Variants in CPNE8 observed in about 807,000 individuals in gnomAD.
The protein encoded by CPNE8 is copine-8.
CPNE8 carries 45 observed loss-of-function variants against 81.5 expected under a neutral mutation model. That is an observed-to-expected ratio of 0.55 (90% CI 0.44 to 0.71). CPNE8 has a LOEUF of 0.71. Among genes scored for constraint, CPNE8 ranks in the 30% least tolerant of loss-of-function variants. The probability of loss-of-function intolerance (pLI) is 0.00; values close to 1 mark genes in which losing one functional copy is unlikely to be tolerated. For missense variants in CPNE8, 594 were observed against 672.1 expected (o/e 0.88, Z 1.28); for synonymous variants, 252 against 226.3 (o/e 1.11, Z -1.02).
At chr12:38,888,342 T>A (rs573897775) in intron 1 of CPNE8, among the ~76,000 whole-genome samples, 2 of 152,318 alleles carry the variant, frequency 1.3e-5, no homozygotes, top group African/African-American at 4.8e-5. Flanking sequence ...CTCTTTAAGA[T>A]GCATGAAATA....
chr12:38,792,632 T>C (rs1030178503), intron 6 of CPNE8, among the ~76,000 whole-genome samples: 2 of 151,880 alleles, frequency 1.3e-5, no homozygotes, highest in Admixed American at 6.6e-5. Context: ...ATGGTTCAAC[T>C]ACAGAATCTG....
At chr12:38,825,529 A>T (rs1943174565) in intron 6 of CPNE8, among the ~76,000 whole-genome samples, 1 of 152,208 alleles carries the variant, frequency 6.6e-6, no homozygotes, top group Non-Finnish European at 1.5e-5. Context: ...GCTCTTCCTC[A>T]ACCCAATTGT....
intron 6 of CPNE8, among the ~76,000 whole-genome samples, chr12:38,828,688 A>T (rs1943238207): frequency 6.6e-6 from 1 of 152,192 alleles, no homozygotes; most frequent in Non-Finnish European, 1.5e-5. Context: ...AACTCTGCAA[A>T]TGTACTATTC....
chr12:38,693,834 G>A lies in CPNE8; in HGVS notation c.966C>T (p.Asn322=), dbSNP rs1177263906. The A allele has an allele frequency of 2.5e-6, 4 of 1,597,400 alleles. No individual in the cohort carries two copies. The highest frequency in any genetic ancestry group is 3.4e-6 in the Non-Finnish European group (4 of 1,172,946). Residue 322 remains asparagine, a synonymous_variant, in exon 15 of 20, where the codon AAC becomes AAT. Transcript: ENST00000331366. ...AGTGGAGGGAAGTGGGCTGAGCAGG[G>A]TTGCCTGATGACAGAACACATATTT... ...VAIDFTASNG[N]PAQPTSLHYM...
chr12:38,879,307 T>A (rs568934997), intron 1 of CPNE8, among the ~76,000 whole-genome samples: 43 of 151,118 alleles, frequency 2.8e-4, no homozygotes, highest in Admixed American at 1.1e-3. Flanking sequence ...TTACAGAGAG[T>A]CTCTGTTTCC....
intron 3 of CPNE8, among the ~76,000 whole-genome samples, chr12:38,870,623 C>A (rs1943977810): frequency 6.6e-6 from 1 of 152,000 alleles, no homozygotes; most frequent in Admixed American, 6.6e-5. Context: ...AGGGGAACAT[C>A]ACACACCGGG....
intron 11 of CPNE8, among the ~76,000 whole-genome samples, chr12:38,725,658 T>C (rs1231380574): frequency 1.3e-5 from 2 of 152,166 alleles, no homozygotes; most frequent in African/African-American, 4.8e-5. Flanking sequence ...ATTTATTAAC[T>C]TAAACTAAGG....
intron 10 of CPNE8, among the ~76,000 whole-genome samples, chr12:38,743,762 A>G (rs1233472215): frequency 1.3e-5 from 2 of 152,076 alleles, no homozygotes; most frequent in Non-Finnish European, 2.9e-5. Context: ...CTATAAAGTA[A>G]TATTTAGGGT....
chr12:38,894,313 A>T (rs1220912722), intron 1 of CPNE8, among the ~76,000 whole-genome samples: 2 of 152,188 alleles, frequency 1.3e-5, no homozygotes, highest in East Asian at 3.8e-4. Flanking sequence ...ATCATCTTTT[A>T]GGTAGTATAC....
At chr12:38,857,268 T>C (rs1465713475) in intron 3 of CPNE8, among the ~76,000 whole-genome samples, 3 of 152,270 alleles carry the variant, frequency 2.0e-5, no homozygotes, top group East Asian at 3.9e-4. Context: ...TAACTACAAC[T>C]CTAATAATTC....
At chr12:38,843,157 T>C (rs1427088353) in intron 4 of CPNE8, among the ~76,000 whole-genome samples, 1 of 152,188 alleles carries the variant, frequency 6.6e-6, no homozygotes, top group Non-Finnish European at 1.5e-5. Context: ...ATCCTGCCAT[T>C]GAAACCTTAT....
At position 38,873,072 on chromosome 12, in the gene CPNE8, G is replaced by A. The variant is rs755830826; in HGVS notation, c.140-22C>T. On this transcript the variant is annotated intron_variant, in intron 2 of 19. Coordinates refer to ENST00000331366, the MANE Select transcript of CPNE8 (RefSeq NM_153634.3). ...CAAACTACAAAAGATGAAAAAATAC[G>A]CACATATAAATGTCTTTTATGAAAA... 29 of 1,432,166 alleles carry A rather than the reference G, an allele frequency of 2.0e-5. No homozygotes were observed. The Admixed American group carries it at 2.7e-4, about 13-fold the overall frequency. The allele number at this position is 1,432,166 out of a possible 1,614,324, so 88.7% of individuals were successfully genotyped here. A position where few individuals can be genotyped will look rare whatever the true frequency, so the allele number is the denominator to read the frequency against.
At chr12:38,666,844 G>A (rs1157856596) in intron 19 of CPNE8, among the ~76,000 whole-genome samples, 1 of 152,100 alleles carries the variant, frequency 6.6e-6, no homozygotes, top group Admixed American at 6.6e-5. Flanking sequence ...AATTAGCTGG[G>A]TGACTGTGGA....
intron 6 of CPNE8, among the ~76,000 whole-genome samples, chr12:38,798,017 T>C (rs1942544114): frequency 1.3e-5 from 2 of 151,886 alleles, no homozygotes; most frequent in Non-Finnish European, 2.9e-5. Context: ...TAAAAAGAAA[T>C]GAAGAAAGCC....
At chr12:38,679,403 GAA>G (rs1565564569) in intron 16 of CPNE8, among the ~76,000 whole-genome samples, 2 of 151,808 alleles carry the variant, frequency 1.3e-5, no homozygotes, top group East Asian at 1.9e-4. Flanking sequence ...GAATTTCGCT[GAA>G]GTTTGTTTTA....
At chr12:38,776,188 A>T in intron 7 of CPNE8, 50 bp downstream of exon 7, 1 of 908,674 alleles carries the variant, frequency 1.1e-6, no homozygotes, top group East Asian at 2.6e-5. Flanking sequence ...TTTTAGATAT[A>T]GCATTTGAAG....
intron 19 of CPNE8, among the ~76,000 whole-genome samples, chr12:38,663,496 C>A (rs191086431): frequency 6.6e-6 from 1 of 151,820 alleles, no homozygotes; most frequent in Non-Finnish European, 1.5e-5. Context: ...ACCAAAAAGA[C>A]AAAAATGTCA....
intron 14 of CPNE8, among the ~76,000 whole-genome samples, chr12:38,700,114 G>A (rs1248835134): frequency 6.6e-6 from 1 of 152,094 alleles, no homozygotes; most frequent in Non-Finnish European, 1.5e-5. Context: ...CAATAGAAGA[G>A]GTGGGAGCAT....
intron 1 of CPNE8, among the ~76,000 whole-genome samples, chr12:38,902,270 A>AG (rs1944476999): frequency 1.7e-5 from 2 of 117,368 alleles, no homozygotes; most frequent in Admixed American, 8.8e-5. Context: ...GAAAGAAAGA[A>AG]AAAGAAAAGA....
Sources: gnomAD v4.1 joint callset for allele counts (sites outside exome capture counted in the v4.1 genomes callset) on GRCh38, gnomAD v4.1.1 for gene constraint, MANE v1.5 for transcripts, NCBI Gene and HGNC (gene_info 2026-07-23, HGNC 2026-07-21) for gene names.